GRID2: variants seen among roughly 807,000 people sequenced by gnomAD.
The protein encoded by GRID2 is glutamate ionotropic receptor delta type subunit 2, also known as glutamate receptor ionotropic, delta-2.
A neutral mutation model predicts 114.8 loss-of-function variants in GRID2; 33 were observed. That is an observed-to-expected ratio of 0.29 (90% CI 0.22 to 0.38). The LOEUF (loss-of-function observed/expected upper bound fraction) is 0.38, where lower values mean the gene tolerates loss of function less well. Ranked by LOEUF, GRID2 falls within the 10% of genes least tolerant of loss-of-function variation. GRID2 has a pLI of 1.00. For missense variants in GRID2, 1,184 were observed against 1,257.7 expected, an observed-to-expected ratio of 0.94 and a Z score of 0.89; for synonymous variants, 505 against 449.9, an observed-to-expected ratio of 1.12 and a Z score of -1.55.
At chr4:93,444,839 T>C (rs902663063) in intron 10 of GRID2, among the ~76,000 whole-genome samples, 73 of 152,184 alleles carry the variant, frequency 4.8e-4, no homozygotes, top group African/African-American at 1.7e-3. Flanking sequence ...TACCTATGTA[T>C]ATGTAAAAAT....
chr4:93,530,126 C>T (rs1731299741), intron 13 of GRID2, among the ~76,000 whole-genome samples: 1 of 152,184 alleles, frequency 6.6e-6, no homozygotes, highest in South Asian at 2.1e-4. Context: ...CTTTCTACTT[C>T]CAATTTAGTA....
At chr4:93,238,594 A>T in intron 8 of GRID2, 104 bp downstream of exon 8, 17 of 823,596 alleles carry the variant, frequency 2.1e-5, no homozygotes, top group East Asian at 3.3e-5. Flanking sequence ...TCAATATTGT[A>T]GTGTGAAAGA....
At chr4:92,984,987 C>G (rs1196372126) in intron 2 of GRID2, among the ~76,000 whole-genome samples, 3 of 151,960 alleles carry the variant, frequency 2.0e-5, no homozygotes, top group African/African-American at 7.2e-5. Flanking sequence ...TGACTAACTA[C>G]GTTTAACAGT....
chr4:93,202,766 T>G (rs930318719), intron 4 of GRID2, among the ~76,000 whole-genome samples: 2 of 152,140 alleles, frequency 1.3e-5, no homozygotes, highest in Non-Finnish European at 2.9e-5. Context: ...TCTTTTTAGG[T>G]AAATTATTTT....
At chr4:93,237,223 T>C (rs776297119) in intron 7 of GRID2, among the ~76,000 whole-genome samples, 1 of 151,908 alleles carries the variant, frequency 6.6e-6, no homozygotes, top group Admixed American at 6.6e-5. Context: ...AACTGGCTGA[T>C]TAGGGAATAA....
chr4:92,951,214 A>G (rs1752008018), intron 2 of GRID2, among the ~76,000 whole-genome samples: 1 of 152,128 alleles, frequency 6.6e-6, no homozygotes, highest in African/African-American at 2.4e-5. Context: ...AGAATCATCC[A>G]TTTTAAATGA....
intron 2 of GRID2, among the ~76,000 whole-genome samples, chr4:92,894,176 T>C (rs117224182): frequency 0.019 from 2,898 of 152,296 alleles, 44 homozygotes; most frequent in East Asian, 0.054. Context: ...TGGACCAAAG[T>C]ACATTCATAA....
chr4:92,470,185 C>T (rs963283097), intron 1 of GRID2, among the ~76,000 whole-genome samples: 2 of 151,802 alleles, frequency 1.3e-5, no homozygotes, highest in African/African-American at 2.4e-5. Context: ...AATTCTACAG[C>T]TCCATACTTG....
chr4:92,415,730 G>A (rs1270877963), intron 1 of GRID2, among the ~76,000 whole-genome samples: 5 of 87,564 alleles, frequency 5.7e-5, no homozygotes, highest in African/African-American at 1.3e-4. Flanking sequence ...GTGTGTGTGT[G>A]TGTATGTGTG....
intron 1 of GRID2, among the ~76,000 whole-genome samples, chr4:92,578,930 C>T (rs1203834881): frequency 6.6e-6 from 1 of 152,044 alleles, no homozygotes; most frequent in Non-Finnish European, 1.5e-5. Flanking sequence ...ACCAAAAAAC[C>T]AGAATTCACA....
chr4:93,412,954 C>T (rs989068566), intron 9 of GRID2, among the ~76,000 whole-genome samples: 17 of 152,134 alleles, frequency 1.1e-4, no homozygotes. Context: ...GCACAGTATT[C>T]CACGATGTGT....
chr4:93,531,222 G>A (rs867116999), intron 13 of GRID2, among the ~76,000 whole-genome samples: 19 of 152,176 alleles, frequency 1.2e-4, no homozygotes, highest in South Asian at 4.1e-4. Context: ...ATTTCCCTCA[G>A]GTGCATAAAT....
At chr4:92,801,373 G>A (rs1399616104) in intron 2 of GRID2, among the ~76,000 whole-genome samples, 5 of 151,902 alleles carry the variant, frequency 3.3e-5, no homozygotes, top group Non-Finnish European at 7.4e-5. Context: ...TTTTATGCAA[G>A]TAATTTATTT....
At chr4:93,388,945 A>G (rs1343282998) in intron 8 of GRID2, among the ~76,000 whole-genome samples, 1 of 152,214 alleles carries the variant, frequency 6.6e-6, no homozygotes, top group Non-Finnish European at 1.5e-5. Flanking sequence ...CCTTTGAGGT[A>G]TCTAAGCAGA....
intron 2 of GRID2, among the ~76,000 whole-genome samples, chr4:92,705,574 A>T (rs1734914893): frequency 6.6e-6 from 1 of 152,236 alleles, no homozygotes; most frequent in Admixed American, 6.5e-5. Context: ...AGAAATAAAA[A>T]GAAAACCGGA....
intron 8 of GRID2, among the ~76,000 whole-genome samples, chr4:93,376,530 A>G (rs984909719): frequency 6.6e-6 from 1 of 152,218 alleles, no homozygotes; most frequent in Non-Finnish European, 1.5e-5. Flanking sequence ...AAGCAATTCA[A>G]GATACACATG....
At chr4:93,686,125 C>T (rs933077743) in intron 14 of GRID2, among the ~76,000 whole-genome samples, 1 of 151,930 alleles carries the variant, frequency 6.6e-6, no homozygotes, top group Non-Finnish European at 1.5e-5. Context: ...TCTCCATTGC[C>T]AAAACTATCT....
intron 2 of GRID2, among the ~76,000 whole-genome samples, chr4:92,806,615 C>A (rs12643876): frequency 0.025 from 3,719 of 151,576 alleles, 98 homozygotes; most frequent in East Asian, 0.12. Flanking sequence ...TATATAAGAG[C>A]CTGACATATA....
intron 14 of GRID2, among the ~76,000 whole-genome samples, chr4:93,741,906 A>G (rs1349334878): frequency 6.7e-6 from 1 of 149,566 alleles, no homozygotes; most frequent in African/African-American, 2.5e-5. Flanking sequence ...CCTGGGTGAC[A>G]AGAGTGAGAC....
Sources: allele counts gnomAD v4.1 joint callset (sites outside exome capture counted in the v4.1 genomes callset), GRCh38; gene constraint gnomAD v4.1.1; transcripts MANE v1.5; gene names NCBI Gene and HGNC (gene_info 2026-07-23, HGNC 2026-07-21).